Variants in CLU observed in about 807,000 individuals in gnomAD.
CLU encodes clusterin, also known as aging-associated protein 4.
Under a neutral mutation model 46.4 loss-of-function variants are expected in CLU, and 25 were observed. The observed-to-expected ratio is 0.54, with a 90% CI of 0.39 to 0.75. The LOEUF (loss-of-function observed/expected upper bound fraction) is 0.75, where lower values mean the gene tolerates loss of function less well. CLU is among the 30% of genes least tolerant of loss of function. The probability of loss-of-function intolerance (pLI) is 0.00; values close to 1 mark genes in which losing one functional copy is unlikely to be tolerated. For missense variants in CLU, 504 were observed against 592.1 expected, an observed-to-expected ratio of 0.85 and a Z score of 1.54; for synonymous variants, 235 against 235.1, an observed-to-expected ratio of 1.00 and a Z score of 0.00.
intron 2 of CLU, among the ~76,000 whole-genome samples, chr8:27,610,152 T>C (rs1233817846): frequency 6.6e-6 from 1 of 152,110 alleles, no homozygotes; most frequent in East Asian, 1.9e-4. Flanking sequence ...AGAGCTCCGG[T>C]GGTCCAGACA....
Position 27,609,001 on chromosome 8 carries a change from T to C in CLU, c.183A>G (p.Glu61=). The C allele has an allele frequency of 6.2e-7, 1 of 1,614,272 alleles. No homozygotes were observed. The change falls in exon 3 of 9, where the codon GAA becomes GAG. Residue 61 remains glutamate, a synonymous_variant. Transcript: ENST00000316403. ...NGVKQIKTLI[E]KTNEERKTLL... Reference sequence around the variant, plus strand: ...GTGTCTTGCGCTCTTCGTTTGTTTTTTCTATGAGAGTCTTTATCTGTTTCA... The same window carrying C: ...GTGTCTTGCGCTCTTCGTTTGTTTTCTCTATGAGAGTCTTTATCTGTTTCA...
chr8:27,613,827 T>C (rs1425926175), intron 1 of CLU: 4 of 152,236 alleles, frequency 2.6e-5, no homozygotes, highest in Admixed American at 1.3e-4. Flanking sequence ...TGGGCATCTT[T>C]TTTTATATAG....
chr8:27,608,195 C>A (rs546901388), intron 3 of CLU, among the ~76,000 whole-genome samples: 10 of 151,802 alleles, frequency 6.6e-5, no homozygotes, highest in Admixed American at 6.5e-5. Flanking sequence ...GAAAAAAAAA[C>A]AAAAACAAAA....
Position 27,597,547 on chromosome 8 carries a change from C to T in CLU, c.*694G>A, listed in dbSNP as rs1455890605. On this transcript the variant is annotated 3_prime_UTR_variant, in exon 9 of 9. Transcript: ENST00000316403. ...AAAGCAATAGCTCTTACAAATAAAA[C>T]TGATAATTTGGACTTCTGGGCACCA... 1 of 454,100 alleles carries T rather than the reference C, an allele frequency of 2.2e-6. No homozygotes were observed. The highest frequency in any genetic ancestry group is 4.4e-6 in the Non-Finnish European group (1 of 226,780). 28.1% of individuals were successfully genotyped at this position (454,100 alleles called of 1,614,324 possible). A position where few individuals can be genotyped will look rare whatever the true frequency, so the allele number is the denominator to read the frequency against.
chr8:27,607,201 G>C (rs1468397898), intron 3 of CLU, among the ~76,000 whole-genome samples: 3 of 152,132 alleles, frequency 2.0e-5, no homozygotes, highest in Non-Finnish European at 4.4e-5. Context: ...AGCTGGTGTG[G>C]TGGTGCACAC....
chr8:27,598,902 A>G (rs1293394056), intron 7 of CLU: 1 of 482,000 alleles, frequency 2.1e-6, no homozygotes, highest in Non-Finnish European at 3.6e-6. Flanking sequence ...AGTGGTTTCC[A>G]AACATTTGCT....
At chr8:27,607,747 CAA>C (rs35500730) in intron 3 of CLU, among the ~76,000 whole-genome samples, 5 of 144,710 alleles carry the variant, frequency 3.5e-5, no homozygotes, top group African/African-American at 1.3e-4. Context: ...TGTTAGTCTT[CAA>C]AAAAAAAAAA....
chr8:27,604,207 A>G (rs1800771474), intron 6 of CLU, 84 bp downstream of exon 6: 1 of 1,075,994 alleles, frequency 9.3e-7, no homozygotes, highest in South Asian at 1.3e-5. Flanking sequence ...GTCTGACTCC[A>G]TAAAGGCAGC....
At position 27,609,982 on chromosome 8, in the gene CLU, G is replaced by A. The variant is rs558249535; in HGVS notation, c.97+493C>T. On this transcript the variant is annotated intron_variant, in intron 2 of 8. Coordinates refer to ENST00000316403, the MANE Select transcript of CLU (RefSeq NM_001831.4). ...ATCTCAATAAAATGGGGGGTGGGGG[G>A]AGTGTCATGAGATCAAGATAGTGGC... Among the ~76,000 whole-genome samples, 19 of 152,198 alleles carry A rather than the reference G, an allele frequency of 1.2e-4. No individual in the cohort carries two copies. The East Asian group carries it at 2.1e-3, about 17-fold the overall frequency.
rs754823276 is a variant in CLU, at chr8:27,597,320, A to G, written c.*921T>C. The G allele has an allele frequency of 4.4e-6, 2 of 454,370 alleles. No homozygotes were observed. The highest frequency in any genetic ancestry group is 2.4e-5 in the Admixed American group (1 of 42,540). 28.1% of individuals were successfully genotyped at this position (454,370 alleles called of 1,614,324 possible). A position where few individuals can be genotyped will look rare whatever the true frequency, so the allele number is the denominator to read the frequency against. ...ACTGAGATTGGTACCACGGGTAGTC[A>G]TGGCCACCTGCTGGCAGCGTAGGGT... On this transcript the variant is annotated 3_prime_UTR_variant, in exon 9 of 9. Transcript: ENST00000316403.
At chr8:27,609,717 G>A (rs1174547970) in intron 2 of CLU, among the ~76,000 whole-genome samples, 1 of 152,182 alleles carries the variant, frequency 6.6e-6, no homozygotes, top group Non-Finnish European at 1.5e-5. Context: ...GACATGGGAA[G>A]TGTGATATGA....
At chr8:27,613,012 C>G (rs944147300) in intron 1 of CLU, among the ~76,000 whole-genome samples, 31 of 151,816 alleles carry the variant, frequency 2.0e-4, no homozygotes, top group African/African-American at 7.2e-4. Context: ...CAACTCCCCT[C>G]CAGGCACACC....
At chr8:27,611,583 C>A (rs1340160538) in intron 1 of CLU, 1 of 457,676 alleles carries the variant, frequency 2.2e-6, no homozygotes, top group Non-Finnish European at 4.4e-6. Context: ...CTCCCAAGAA[C>A]TGCTTATCTG....
intron 3 of CLU, among the ~76,000 whole-genome samples, chr8:27,607,127 C>T (rs1054281286): frequency 6.6e-6 from 1 of 152,132 alleles, no homozygotes; most frequent in South Asian, 2.1e-4. Context: ...TACTTGGGGT[C>T]AGGAGTTTGA....
intron 1 of CLU, 92 bp downstream of exon 1, chr8:27,614,563 T>C: frequency 2.4e-6 from 1 of 416,614 alleles, no homozygotes; most frequent in South Asian, 1.9e-5. Flanking sequence ...CTGCGAGCTG[T>C]GTCATCCCTC....
Position 27,614,692 on chromosome 8 carries a change from C to A in CLU, c.-67G>T, listed in dbSNP as rs1800982982. On this transcript the variant is annotated 5_prime_UTR_variant, in exon 1 of 9. Coordinates refer to ENST00000316403, the MANE Select transcript of CLU (RefSeq NM_001831.4). ...CCCTGTGCCCGCGCGCTCCTCCTGGCGACGCCGCGTTGTGGGCACTGGGAG... is the reference window on the plus strand; with the variant it reads ...CCCTGTGCCCGCGCGCTCCTCCTGGAGACGCCGCGTTGTGGGCACTGGGAG... 1.9e-6 allele frequency: 1 copy of A among 533,110 alleles called. No homozygotes were observed. The highest frequency in any genetic ancestry group is 3.9e-6 in the Non-Finnish European group (1 of 259,264). 33.0% of individuals were successfully genotyped at this position (533,110 alleles called of 1,614,324 possible). A position where few individuals can be genotyped will look rare whatever the true frequency, so the allele number is the denominator to read the frequency against.
chr8:27,604,173 G>T, intron 6 of CLU, 118 bp downstream of exon 6: 1 of 799,848 alleles, frequency 1.3e-6, no homozygotes, highest in Non-Finnish European at 2.1e-6. Flanking sequence ...AAAGGCTGCA[G>T]AGCTGGAATC....
At chr8:27,609,189 TGTC>T in intron 2 of CLU, 103 bp from the exon 3 acceptor site, 11 of 1,308,788 alleles carry the variant, frequency 8.4e-6, no homozygotes, top group Non-Finnish European at 1.2e-5. Context: ...GTTCAGGGGC[TGTC>T]AAGGCTGGGA....
chr8:27,609,390 G>T (rs919203706), intron 2 of CLU, among the ~76,000 whole-genome samples: 1 of 100,878 alleles, frequency 9.9e-6, no homozygotes, highest in East Asian at 4.4e-4. Context: ...AAGAAACTTG[G>T]CAAGGAAAAA....
Sources: allele counts gnomAD v4.1 joint callset (sites outside exome capture counted in the v4.1 genomes callset), GRCh38; gene constraint gnomAD v4.1.1; transcripts MANE v1.5; gene names NCBI Gene and HGNC (gene_info 2026-07-23, HGNC 2026-07-21).